NSD1: variants seen among roughly 807,000 people sequenced by gnomAD.
NSD1 encodes histone-lysine N-methyltransferase, H3 lysine-36 specific.
NSD1 carries 26 observed loss-of-function variants against 242.7 expected under a neutral mutation model. The ratio of observed to expected loss-of-function variants is 0.11; its 90% CI spans 0.08 to 0.15. The LOEUF is 0.15. Among genes scored for constraint, NSD1 ranks in the 10% least tolerant of loss-of-function variants. NSD1 has a pLI of 1.00. For synonymous variants in NSD1, 1,106 were observed against 1,178.1 expected (o/e 0.94, Z 1.25); for missense variants, 2,495 against 3,272.8 (o/e 0.76, Z 5.80).
At chr5:177,132,312 C>T (rs941169447), upstream of NSD1, among the ~76,000 whole-genome samples, 8 of 151,514 alleles carry the variant, frequency 5.3e-5, no homozygotes, top group Non-Finnish European at 1.0e-4. The surrounding 1 kb of genome is among the most constrained non-coding windows in gnomAD (Gnocchi z 7.5). Context: ...GGGCCATCTG[C>T]CTGGGTGCCG....
At chr5:177,274,284 C>T (rs1758178299) in intron 17 of NSD1, among the ~76,000 whole-genome samples, 2 of 152,170 alleles carry the variant, frequency 1.3e-5, no homozygotes, top group Admixed American at 6.5e-5. Context: ...TAGTCATCAC[C>T]ATTATCATCT....
intron 17 of NSD1, 44 bp downstream of exon 17, chr5:177,273,828 A>AAT: frequency 7.9e-7 from 1 of 1,269,506 alleles, no homozygotes; most frequent in Non-Finnish European, 1.2e-6. Flanking sequence ...AGAGAAATGG[A>AAT]ATAGCTGGCT....
intron 7 of NSD1, 146 bp from the exon 8 acceptor site, chr5:177,239,610 G>A: frequency 8.6e-6 from 5 of 581,312 alleles, no homozygotes; most frequent in Non-Finnish European, 1.6e-5. Context: ...TTTATAATAA[G>A]CAAATTACCA....
At chr5:177,144,376 G>A (rs1261898998) in intron 2 of NSD1, among the ~76,000 whole-genome samples, 1 of 61,112 alleles carries the variant, frequency 1.6e-5, no homozygotes, top group Non-Finnish European at 2.5e-5. Flanking sequence ...ATTTGGCTAA[G>A]TTTTTGTTTT....
At chr5:177,192,604 C>G (rs1450319319) in intron 3 of NSD1, among the ~76,000 whole-genome samples, 1 of 152,178 alleles carries the variant, frequency 6.6e-6, no homozygotes, top group Admixed American at 6.6e-5. Context: ...CCATGTTGGT[C>G]AGACTGGTCT....
At chr5:177,199,719 C>T (rs1762372976) in intron 3 of NSD1, among the ~76,000 whole-genome samples, 1 of 152,030 alleles carries the variant, frequency 6.6e-6, no homozygotes, top group African/African-American at 2.4e-5. Flanking sequence ...CCTGCCTCAA[C>T]CTCCTGAGTA....
rs1443629833 is a variant in NSD1 at position 177,280,598 on chromosome 5, A to G, written c.5656A>G (p.Thr1886Ala). The G allele has an allele frequency of 1.9e-6, 3 of 1,614,200 alleles. No individual in the cohort carries two copies. The highest frequency in any genetic ancestry group is 2.2e-5 in the East Asian group (1 of 44,884). ...TCCTATTGGCAGGGTACAGATCTTC[A>G]CTGCAGACTTATCTGAAATACCCCG... is the stretch of plus-strand genomic sequence containing the variant. ...NRPIGRVQIFTADLSEIPRCN... is the reference protein window; with the variant it reads ...NRPIGRVQIFAADLSEIPRCN... The change falls in exon 18 of 23, where the codon ACT becomes GCT. Residue 1886 changes from threonine (T) to alanine (A), a missense_variant. Thr to Ala is a moderately conservative substitution (Grantham distance 58). Transcript: ENST00000439151.
intron 21 of NSD1, among the ~76,000 whole-genome samples, chr5:177,290,842 C>T (rs1054989648): frequency 6.6e-6 from 1 of 152,186 alleles, no homozygotes; most frequent in Non-Finnish European, 1.5e-5. Context: ...AAGATGTTGA[C>T]TTGTTTCCTA....
chr5:177,185,120 TC>T (rs1562169827), intron 2 of NSD1, among the ~76,000 whole-genome samples: 1 of 152,104 alleles, frequency 6.6e-6, no homozygotes, highest in African/African-American at 2.4e-5. Context: ...TTCCCCCACT[TC>T]CCCTCGTCTT....
intron 14 of NSD1, among the ~76,000 whole-genome samples, chr5:177,262,048 C>T (rs1374036457): frequency 1.3e-5 from 2 of 152,108 alleles, no homozygotes; most frequent in Non-Finnish European, 2.9e-5. Context: ...AAAATATAGG[C>T]TCTATTCCCT....
At position 177,227,249 on chromosome 5, in the gene NSD1, T is replaced by C. The variant is rs1764701929; in HGVS notation, c.3797-8572T>C. Among the ~76,000 whole-genome samples the C allele has an allele frequency of 2.6e-5, 4 of 152,176 alleles. No individual in the cohort carries two copies. The South Asian group carries it at 8.3e-4, about 31-fold the overall frequency. Reference sequence around the variant, plus strand: ...TGATACATCCTTTTTCAGTAGGAATTCAGAATAAAGAAAGTGCTAAATATT... The same window carrying C: ...TGATACATCCTTTTTCAGTAGGAATCCAGAATAAAGAAAGTGCTAAATATT... On this transcript the variant is annotated intron_variant, in intron 5 of 22. Coordinates refer to ENST00000439151, the MANE Select transcript of NSD1 (RefSeq NM_022455.5).
chr5:177,241,932 G>A (rs914922541), intron 8 of NSD1, among the ~76,000 whole-genome samples: 1 of 152,074 alleles, frequency 6.6e-6, no homozygotes, highest in African/African-American at 2.4e-5. Flanking sequence ...TGCTTTAAGG[G>A]TACTCTGGCT....
intron 8 of NSD1, among the ~76,000 whole-genome samples, chr5:177,243,449 C>T (rs976500559): frequency 1.3e-5 from 2 of 152,180 alleles, no homozygotes; most frequent in African/African-American, 4.8e-5. Flanking sequence ...CTGCCCCCCT[C>T]GGCCTCCCAA....
chr5:177,223,455 C>T (rs1764398010), intron 5 of NSD1, among the ~76,000 whole-genome samples: 1 of 151,950 alleles, frequency 6.6e-6, no homozygotes, highest in Admixed American at 6.6e-5. Flanking sequence ...TGCCTGTAAT[C>T]CCAGCTACTT....
rs1348116556 is a variant in NSD1, at chr5:177,185,745, TTA to T, written c.928-6132_928-6131del. 2.8e-5 allele frequency among the ~76,000 whole-genome samples: 3 copies of T among 107,224 alleles called. No individual in the cohort carries two copies. The East Asian group carries it at 7.1e-4, about 25-fold the overall frequency. The allele number at this position is 107,224 out of a possible 152,430, so 70.3% of individuals were successfully genotyped here. A position where few individuals can be genotyped will look rare whatever the true frequency, so the allele number is the denominator to read the frequency against. ...TTATATATTATATATATTTTATATA[TTA>T]TATATAATATATTTTATATATTTAT... On this transcript the variant is annotated intron_variant, in intron 2 of 22. Coordinates refer to ENST00000439151, the MANE Select transcript of NSD1 (RefSeq NM_022455.5).
At chr5:177,201,805 T>C (rs1413053751) in intron 3 of NSD1, among the ~76,000 whole-genome samples, 1 of 151,626 alleles carries the variant, frequency 6.6e-6, no homozygotes, top group Non-Finnish European at 1.5e-5. Flanking sequence ...GTGATCCGCC[T>C]GCCTCAGCCT....
chr5:177,152,630 T>G (rs530301282), intron 2 of NSD1, among the ~76,000 whole-genome samples: 1 of 151,812 alleles, frequency 6.6e-6, no homozygotes, highest in Non-Finnish European at 1.5e-5. Flanking sequence ...ATTTTTTGTA[T>G]TTTTAGTAGA....
rs1166093642 is a variant in NSD1, at chr5:177,265,168, A to T, written c.5147-2394A>T. On this transcript the variant is annotated intron_variant, in intron 14 of 22. Transcript: ENST00000439151. The stretch of plus-strand genomic sequence containing the variant: ...AAGCACTAGCTTGCTCCACTCAGAG[A>T]AGCATACTTTGTGAGAACCAATGGG... The T allele has an allele frequency of 6.5e-6, 5 of 765,742 alleles. No homozygotes were observed. In the African/African-American group the frequency reaches 8.5e-5, roughly 13 times the overall value. The allele number at this position is 765,742 out of a possible 1,614,324, so 47.4% of individuals were successfully genotyped here.
intron 12 of NSD1, among the ~76,000 whole-genome samples, chr5:177,255,808 T>G (rs1756401358): frequency 6.6e-6 from 1 of 152,082 alleles, no homozygotes; most frequent in Admixed American, 6.6e-5. Flanking sequence ...TAGGCTTAAA[T>G]TCCTGGCCTC....
Sources: allele counts gnomAD v4.1 joint callset (sites outside exome capture counted in the v4.1 genomes callset), GRCh38; gene constraint gnomAD v4.1.1; non-coding constraint Gnocchi (gnomAD v3.1); transcripts MANE v1.5; gene names NCBI Gene and HGNC (gene_info 2026-07-23, HGNC 2026-07-21).